DLG1: variants seen among roughly 807,000 people sequenced by gnomAD.
DLG1 encodes the protein disks large homolog 1.
A neutral mutation model predicts 123.4 loss-of-function variants in DLG1; 42 were observed. The observed-to-expected ratio is 0.34, with a 90% CI of 0.27 to 0.44. The LOEUF (loss-of-function observed/expected upper bound fraction) is 0.44, where lower values mean the gene tolerates loss of function less well. DLG1 is among the 20% of genes least tolerant of loss of function. DLG1 has a pLI of 1.00. For synonymous variants in DLG1, 317 were observed against 356.2 expected (o/e 0.89, Z 1.24); for missense variants, 942 against 1,082.6 (o/e 0.87, Z 1.82).
At chr3:197,115,769 T>A (rs1309599607) in intron 13 of DLG1, among the ~76,000 whole-genome samples, 158 bp downstream of exon 13, 1 of 152,226 alleles carries the variant, frequency 6.6e-6, no homozygotes, top group Non-Finnish European at 1.5e-5. Context: ...TTATATAATA[T>A]GTTCTCTGAC....
At chr3:197,255,013 G>A (rs1214047059) in intron 4 of DLG1, among the ~76,000 whole-genome samples, 3 of 151,962 alleles carry the variant, frequency 2.0e-5, no homozygotes, top group Non-Finnish European at 2.9e-5. Flanking sequence ...CCGAGATCAC[G>A]CTACTGCATT....
chr3:197,271,634 T>C (rs1464950160), intron 4 of DLG1, among the ~76,000 whole-genome samples: 2 of 152,236 alleles, frequency 1.3e-5, no homozygotes, highest in Non-Finnish European at 2.9e-5. Flanking sequence ...CTGCTTTATC[T>C]GATTTTTTTC....
chr3:197,101,763 G>GTATTATAT (rs922899876), intron 14 of DLG1, among the ~76,000 whole-genome samples: 2 of 151,708 alleles, frequency 1.3e-5, no homozygotes, highest in East Asian at 3.9e-4. Context: ...AACGAGTATA[G>GTATTATAT]TATTATATTT....
chr3:197,281,188 A>C (rs763812765), intron 4 of DLG1, among the ~76,000 whole-genome samples: 20 of 152,110 alleles, frequency 1.3e-4, no homozygotes, highest in Non-Finnish European at 2.2e-4. Context: ...CAGGTGCATG[A>C]CACCATGCTC....
intron 1 of DLG1, chr3:197,297,965 A>AC (rs1355063250): frequency 3.0e-4 from 296 of 975,330 alleles, no homozygotes; most frequent in Non-Finnish European, 3.5e-4. Context: ...GGGCCGCCGC[A>AC]CCCCCGCGGC....
chr3:197,234,511 G>A (rs1744922381), intron 4 of DLG1, among the ~76,000 whole-genome samples: 1 of 152,162 alleles, frequency 6.6e-6, no homozygotes, highest in South Asian at 2.1e-4. Context: ...ATATATTCCT[G>A]TTGTGAAATC....
intron 4 of DLG1, among the ~76,000 whole-genome samples, chr3:197,196,332 G>A (rs139360852): frequency 4.6e-5 from 7 of 152,180 alleles, no homozygotes; most frequent in African/African-American, 1.4e-4. Context: ...TAGCTTATTC[G>A]ATAGGATATA....
At chr3:197,283,395 G>C (rs777100237) in intron 3 of DLG1, among the ~76,000 whole-genome samples, 5 of 152,104 alleles carry the variant, frequency 3.3e-5, no homozygotes, top group Non-Finnish European at 7.4e-5. Context: ...CAAAGAACTA[G>C]AAGGGCTTTC....
At chr3:197,164,331 A>G (rs1800212659) in intron 5 of DLG1, among the ~76,000 whole-genome samples, 1 of 151,998 alleles carries the variant, frequency 6.6e-6, no homozygotes, top group African/African-American at 2.4e-5. Flanking sequence ...TGGAAGGTGG[A>G]GGTTGCGGTG....
chr3:197,090,684 T>C (rs1578955265), intron 15 of DLG1, among the ~76,000 whole-genome samples: 1 of 152,098 alleles, frequency 6.6e-6, no homozygotes, highest in African/African-American at 2.4e-5. Flanking sequence ...TCCTTTATTA[T>C]ATCATCATTA....
chr3:197,237,948 G>A (rs1404335094), intron 4 of DLG1, among the ~76,000 whole-genome samples: 9 of 152,274 alleles, frequency 5.9e-5, no homozygotes, highest in South Asian at 2.1e-4. Context: ...AAGCAGACAC[G>A]TGGGAAGCCT....
At chr3:197,118,287 T>C (rs967787046) in intron 12 of DLG1, among the ~76,000 whole-genome samples, 2 of 152,176 alleles carry the variant, frequency 1.3e-5, no homozygotes, top group Admixed American at 1.3e-4. Context: ...TAGGCACTAT[T>C]AGAAAGTAAT....
intron 4 of DLG1, among the ~76,000 whole-genome samples, chr3:197,249,829 T>C (rs141295672): frequency 5.9e-5 from 9 of 152,180 alleles, no homozygotes; most frequent in African/African-American, 1.9e-4. Context: ...ATTATTTCAA[T>C]AGATGCCAAA....
Position 197,051,684 on chromosome 3 carries a change from T to G in DLG1, c.2484-16A>C. 1 of 1,572,502 alleles carries G rather than the reference T, an allele frequency of 6.4e-7. No homozygotes were observed. The highest frequency in any genetic ancestry group is 1.1e-5 in the South Asian group (1 of 89,624). On this transcript the variant is annotated splice_polypyrimidine_tract_variant and intron_variant, in intron 23 of 24. Transcript: ENST00000667157. ...ATTCATTTCCCTACGAAAATAAATGTAGAAATTGATAATTACCAAATTATA... is the reference window on the plus strand; with the variant it reads ...ATTCATTTCCCTACGAAAATAAATGGAGAAATTGATAATTACCAAATTATA...
chr3:197,208,740 C>G (rs1729874417), intron 4 of DLG1, among the ~76,000 whole-genome samples: 1 of 145,476 alleles, frequency 6.9e-6, no homozygotes. Context: ...CACATATTTG[C>G]TTATATACGG....
intron 4 of DLG1, among the ~76,000 whole-genome samples, chr3:197,225,499 C>T (rs1739403377): frequency 6.6e-6 from 1 of 152,120 alleles, no homozygotes; most frequent in Admixed American, 6.5e-5. Flanking sequence ...ATTAAAACTG[C>T]CACAAGCAGT....
At chr3:197,181,199 G>C (rs1561291736) in intron 5 of DLG1, among the ~76,000 whole-genome samples, 3 of 151,770 alleles carry the variant, frequency 2.0e-5, no homozygotes, top group Admixed American at 6.6e-5. Context: ...TACTGTATTT[G>C]GGGGGGATAC....
chr3:197,161,405 A>G (rs891387425), intron 5 of DLG1, among the ~76,000 whole-genome samples: 2 of 152,204 alleles, frequency 1.3e-5, no homozygotes, highest in Non-Finnish European at 2.9e-5. Flanking sequence ...AACAAATCTA[A>G]GGTTCAATAT....
At chr3:197,275,596 T>C (rs953944876) in intron 4 of DLG1, among the ~76,000 whole-genome samples, 7 of 152,214 alleles carry the variant, frequency 4.6e-5, no homozygotes, top group African/African-American at 1.7e-4. Context: ...ATCTGCAGCA[T>C]CATGGATGAG....
Sources: gnomAD v4.1 joint callset for allele counts (sites outside exome capture counted in the v4.1 genomes callset) on GRCh38, gnomAD v4.1.1 for gene constraint, MANE v1.5 for transcripts, NCBI Gene and HGNC (gene_info 2026-07-23, HGNC 2026-07-21) for gene names.